Variants in FGF12 observed in about 807,000 individuals in gnomAD.
FGF12 encodes the protein fibroblast growth factor 12B.
Under a neutral mutation model 23.6 loss-of-function variants are expected in FGF12, and 14 were observed. The observed-to-expected ratio is 0.59, with a 90% CI of 0.39 to 0.93. FGF12 has a LOEUF of 0.93. Among genes scored for constraint, FGF12 ranks in the 40% least tolerant of loss-of-function variants. The probability of loss-of-function intolerance (pLI) is 0.00; values close to 1 mark genes in which losing one functional copy is unlikely to be tolerated. For missense variants in FGF12, 175 were observed against 217.8 expected (o/e 0.80, Z 1.24); for synonymous variants, 62 against 77.3 (o/e 0.80, Z 1.04).
intron 5 of FGF12, among the ~76,000 whole-genome samples, chr3:192,159,530 T>G (rs1261442027): frequency 2.6e-5 from 4 of 152,130 alleles, no homozygotes; most frequent in African/African-American, 9.7e-5. Context: ...AGGGAAGTAT[T>G]CTCCCCATTT....
At chr3:192,217,747 A>T (rs1381565094) in intron 4 of FGF12, among the ~76,000 whole-genome samples, 4 of 152,220 alleles carry the variant, frequency 2.6e-5, no homozygotes, top group Admixed American at 2.0e-4. Context: ...ATCCTAATTT[A>T]AAAGGATCAA....
At chr3:192,588,209 G>A (rs1713455330) in intron 2 of FGF12, among the ~76,000 whole-genome samples, 1 of 151,296 alleles carries the variant, frequency 6.6e-6, no homozygotes, top group Admixed American at 6.6e-5. Flanking sequence ...AATTAGCCGG[G>A]TGTGGTGGCG....
At chr3:192,707,162 A>G (rs2108735081) in intron 2 of FGF12, among the ~76,000 whole-genome samples, 1 of 152,318 alleles carries the variant, frequency 6.6e-6, no homozygotes, top group South Asian at 2.1e-4. Flanking sequence ...TCAACAACAA[A>G]GGTTGTAATA....
At chr3:192,567,886 G>T (rs1712416006) in intron 2 of FGF12, among the ~76,000 whole-genome samples, 1 of 150,290 alleles carries the variant, frequency 6.7e-6, no homozygotes, top group African/African-American at 2.5e-5. Context: ...AGGCTGGAGT[G>T]CAGTGGCGCG....
At chr3:192,511,203 G>A (rs1030584288) in intron 2 of FGF12, among the ~76,000 whole-genome samples, 30 of 145,472 alleles carry the variant, frequency 2.1e-4, no homozygotes, top group Admixed American at 2.0e-3. Context: ...ACACAGGCAA[G>A]CAAGGAAGCA....
chr3:192,342,332 A>G (rs1239398319), intron 3 of FGF12, among the ~76,000 whole-genome samples: 1 of 152,230 alleles, frequency 6.6e-6, no homozygotes, highest in Non-Finnish European at 1.5e-5. Flanking sequence ...CAAAAAACCT[A>G]CATGGTACAA....
intron 2 of FGF12, among the ~76,000 whole-genome samples, chr3:192,447,247 A>G (rs1306994005): frequency 2.0e-5 from 3 of 152,188 alleles, no homozygotes; most frequent in South Asian, 2.1e-4. Context: ...AGAAAACCCA[A>G]TTTGCTCAAG....
chr3:192,703,358 A>G (rs376589836), intron 2 of FGF12, among the ~76,000 whole-genome samples: 1 of 152,234 alleles, frequency 6.6e-6, no homozygotes, highest in Non-Finnish European at 1.5e-5. Flanking sequence ...TTGAAAACAC[A>G]TCATTGCTAA....
intron 4 of FGF12, among the ~76,000 whole-genome samples, chr3:192,313,213 G>A (rs1469260648): frequency 1.3e-5 from 2 of 152,020 alleles, no homozygotes; most frequent in African/African-American, 4.8e-5. Context: ...GGAGATGGAA[G>A]GTTTTTCATT....
At chr3:192,694,906 G>A (rs1718064916) in intron 2 of FGF12, among the ~76,000 whole-genome samples, 1 of 151,808 alleles carries the variant, frequency 6.6e-6, no homozygotes, top group African/African-American at 2.4e-5. Flanking sequence ...AAGGTCAAAG[G>A]GTAAAGAGTT....
intron 2 of FGF12, among the ~76,000 whole-genome samples, chr3:192,528,277 G>A (rs1355570328): frequency 1.3e-5 from 2 of 152,152 alleles, no homozygotes; most frequent in Admixed American, 6.5e-5. Flanking sequence ...ACAAAGGGGT[G>A]CAGGCCCCAT....
intron 2 of FGF12, among the ~76,000 whole-genome samples, chr3:192,570,689 C>A (rs746399846): frequency 1.0e-3 from 154 of 152,112 alleles, no homozygotes; most frequent in Non-Finnish European, 1.8e-3. Context: ...TGCAGATCCC[C>A]AAACTTCACA....
intron 2 of FGF12, among the ~76,000 whole-genome samples, chr3:192,398,628 C>T (rs747591806): frequency 2.0e-5 from 3 of 152,104 alleles, no homozygotes; most frequent in South Asian, 2.1e-4. Context: ...GTGATCTGCC[C>T]GCCTCAGCTT....
chr3:192,357,125 G>A (rs1374871593), intron 3 of FGF12, among the ~76,000 whole-genome samples: 1 of 152,120 alleles, frequency 6.6e-6, no homozygotes, highest in Non-Finnish European at 1.5e-5. Flanking sequence ...TGGGTAAAAA[G>A]TATAAAGGAA....
chr3:192,333,002 C>T (rs116314783), intron 4 of FGF12, among the ~76,000 whole-genome samples: 4 of 152,050 alleles, frequency 2.6e-5, no homozygotes, highest in African/African-American at 9.7e-5. Context: ...AATACAGATA[C>T]CCCAATAGGT....
chr3:192,201,850 G>A lies in FGF12; in HGVS notation c.229-31194C>T, dbSNP rs372887017. On this transcript the variant is annotated intron_variant, in intron 4 of 5. Coordinates refer to ENST00000445105, the MANE Select transcript of FGF12 (RefSeq NM_004113.6). The stretch of plus-strand genomic sequence containing the variant: ...TAATGACTTTGCTAATAACAGCCCC[G>A]TGTTTGTGCACATTGATTTTCAGAT... 2.6e-5 allele frequency among the ~76,000 whole-genome samples: 4 copies of A among 152,264 alleles called. No homozygotes were observed. The South Asian group carries it at 6.2e-4, about 24-fold the overall frequency.
chr3:192,144,001 G>A lies in FGF12; in HGVS notation c.*8C>T. On this transcript the variant is annotated 3_prime_UTR_variant, in exon 6 of 6. Transcript: ENST00000445105. Reference sequence around the variant, plus strand: ...GGATGAGAGAGGGAAGAAGGGGAGAGTTCTCAGCTATGTTGAATCTTGATT... The same window carrying A: ...GGATGAGAGAGGGAAGAAGGGGAGAATTCTCAGCTATGTTGAATCTTGATT... 6.5e-7 allele frequency: 1 copy of A among 1,543,030 alleles called. No individual in the cohort carries two copies. The highest frequency in any genetic ancestry group is 1.1e-5 in the South Asian group (1 of 89,608).
At chr3:192,526,587 C>T (rs1462806338) in intron 2 of FGF12, among the ~76,000 whole-genome samples, 3 of 152,158 alleles carry the variant, frequency 2.0e-5, no homozygotes, top group Non-Finnish European at 2.9e-5. Flanking sequence ...CAGACACAAA[C>T]ACAGTCACTT....
intron 4 of FGF12, among the ~76,000 whole-genome samples, chr3:192,304,949 T>C (rs1407747843): frequency 6.6e-6 from 1 of 151,998 alleles, no homozygotes; most frequent in Non-Finnish European, 1.5e-5. Flanking sequence ...TACACAGTAG[T>C]ACATGCTTAA....
Sources: allele counts gnomAD v4.1 joint callset (sites outside exome capture counted in the v4.1 genomes callset), GRCh38; gene constraint gnomAD v4.1.1; transcripts MANE v1.5; gene names NCBI Gene and HGNC (gene_info 2026-07-23, HGNC 2026-07-21).